Variants in PLA2G6 observed in about 807,000 individuals in gnomAD.
The protein encoded by PLA2G6 is phospholipase A2 group VI.
In PLA2G6, 62 loss-of-function variants were observed where a neutral mutation model predicts 83.8. The observed-to-expected ratio is 0.74, with a 90% CI of 0.60 to 0.91. PLA2G6 has a LOEUF of 0.91. Among genes scored for constraint, PLA2G6 ranks in the 40% least tolerant of loss-of-function variants. The pLI, the probability that PLA2G6 is intolerant of heterozygous loss-of-function variation, is 0.00. For synonymous variants in PLA2G6, 417 were observed against 449.8 expected (o/e 0.93, Z 0.92); for missense variants, 944 against 1,102.0 (o/e 0.86, Z 2.03).
chr22:38,113,726 G>T lies in PLA2G6; in HGVS notation c.2035-72C>A, dbSNP rs11570759. ...AGGGGGCACGAAGGGGAGCGTCAAG[G>T]GGAGGCCCAAGACTGGGCTCTGGGG... On this transcript the variant is annotated intron_variant, in intron 14 of 16. Transcript: ENST00000332509. 10 of 1,434,150 alleles carry T rather than the reference G, an allele frequency of 7.0e-6. No homozygotes were observed. In the Admixed American group the frequency reaches 1.7e-4, roughly 24 times the overall value. The allele number at this position is 1,434,150 out of a possible 1,614,324, so 88.8% of individuals were successfully genotyped here.
At chr22:38,118,848 G>C (rs1383191026) in intron 12 of PLA2G6, among the ~76,000 whole-genome samples, 2 of 151,460 alleles carry the variant, frequency 1.3e-5, no homozygotes, top group Non-Finnish European at 2.9e-5. Context: ...CAGCCTCCGG[G>C]GCTCAAGTGA....
chr22:38,173,630 G>A (rs952096201), intron 1 of PLA2G6, among the ~76,000 whole-genome samples: 55 of 152,318 alleles, frequency 3.6e-4, no homozygotes, highest in African/African-American at 1.3e-3. Context: ...CTGACAGAGA[G>A]TGTGCTGGTG....
intron 2 of PLA2G6, among the ~76,000 whole-genome samples, chr22:38,160,244 C>G (rs900533369): frequency 6.6e-6 from 1 of 152,064 alleles, no homozygotes; most frequent in Non-Finnish European, 1.5e-5. Context: ...TACCAAGTAA[C>G]AGAAGATATG....
At chr22:38,127,195 G>T (rs1257180747) in intron 9 of PLA2G6, 2 of 1,185,150 alleles carry the variant, frequency 1.7e-6, no homozygotes, top group Non-Finnish European at 2.1e-6. Context: ...AAGCAGAACC[G>T]AGGGCTGCGA....
chr22:38,161,092 A>G (rs905727129), intron 2 of PLA2G6, among the ~76,000 whole-genome samples: 4 of 152,244 alleles, frequency 2.6e-5, no homozygotes, highest in African/African-American at 9.6e-5. Context: ...GAATATAAGC[A>G]GTCTCTGGAG....
At chr22:38,130,005 C>T (rs965118248) in intron 7 of PLA2G6, among the ~76,000 whole-genome samples, 8 of 152,150 alleles carry the variant, frequency 5.3e-5, no homozygotes, top group Non-Finnish European at 7.3e-5. Flanking sequence ...GAGGGGTAAC[C>T]GAACACACGT....
intron 2 of PLA2G6, among the ~76,000 whole-genome samples, chr22:38,168,583 C>T (rs779025403): frequency 6.6e-6 from 1 of 152,204 alleles, no homozygotes; most frequent in Admixed American, 6.5e-5. Context: ...GGTGCAGTGG[C>T]TCACGCCTGC....
In PLA2G6 at chr22:38,140,132, A is replaced by C. The variant is rs1602161797; in HGVS notation, c.647T>G (p.Val216Gly). The change falls in exon 5 of 17, where the codon GTG becomes GGG. Residue 216 changes from valine (V) to glycine (G), a missense_variant. Transcript: ENST00000332509. ...GRNAVAGLNQ[V>G]NNQGLTPLHL... The stretch of plus-strand genomic sequence containing the variant: ...CAGCGGGGTCAGCCCTTGGTTATTC[A>C]CCTGGTTCAGGCCAGCCACTGCGTT... 2.5e-6 allele frequency: 4 copies of C among 1,613,988 alleles called. No homozygotes were observed. The highest frequency in any genetic ancestry group is 1.7e-6 in the Non-Finnish European group (2 of 1,180,016).
rs1252028585 is a variant in PLA2G6, at chr22:38,143,259, C to A, written c.455G>T (p.Gly152Val). 6.2e-7 allele frequency: 1 copy of A among 1,613,664 alleles called. No homozygotes were observed. Among genetic ancestry groups the A allele is most frequent in the Non-Finnish European group, 8.5e-7 (1 of 1,180,038 alleles). The change falls in exon 4 of 17, where the codon GGC becomes GTC. Residue 152 changes from glycine to valine, a missense_variant. Coordinates refer to ENST00000332509, the MANE Select transcript of PLA2G6 (RefSeq NM_003560.4). ...SCANCAENEEGCTPLHLACRK... is the reference protein window; with the variant it reads ...SCANCAENEEVCTPLHLACRK... The stretch of plus-strand genomic sequence containing the variant: ...GCAGGCCAGGTGCAGGGGTGTGCAG[C>A]CCTCCTCGTTCTCCGCGCAATTGGC...
chr22:38,145,689 G>C, intron 2 of PLA2G6, 36 bp from the exon 3 acceptor site: 1 of 1,452,106 alleles, frequency 6.9e-7, no homozygotes, highest in South Asian at 1.2e-5. Flanking sequence ...GACCCGAAAT[G>C]AGTAAGGCGG....
chr22:38,118,176 A>T (rs956594553), intron 12 of PLA2G6, among the ~76,000 whole-genome samples: 16 of 152,244 alleles, frequency 1.1e-4, no homozygotes, highest in African/African-American at 3.9e-4. Flanking sequence ...ACTGAGAGTC[A>T]GGCAGGCCAC....
chr22:38,170,195 CA>C (rs132990), intron 1 of PLA2G6, among the ~76,000 whole-genome samples: 2,627 of 75,524 alleles, frequency 0.035, 30 homozygotes, highest in Middle Eastern at 0.15. Flanking sequence ...GACTCTGTCT[CA>C]AAAAAAAAAA....
At chr22:38,148,333 G>A (rs774450498) in intron 2 of PLA2G6, 12 of 583,644 alleles carry the variant, frequency 2.1e-5, no homozygotes, top group East Asian at 6.0e-5. Context: ...GAATGCTGAC[G>A]GGAACGATGA....
intron 12 of PLA2G6, among the ~76,000 whole-genome samples, chr22:38,118,788 CTA>C: frequency 6.7e-6 from 1 of 148,418 alleles, no homozygotes; most frequent in Non-Finnish European, 1.5e-5. Flanking sequence ...GGGTCTCACT[CTA>C]TTGCCCAGGC....
chr22:38,129,394 T>G, intron 8 of PLA2G6, 60 bp downstream of exon 8: 1 of 1,183,036 alleles, frequency 8.5e-7, no homozygotes, highest in East Asian at 2.3e-5. Flanking sequence ...TCCCTCCTCC[T>G]CGGTCCCTGT....
chr22:38,172,417 ATAT>A (rs879373061), intron 1 of PLA2G6, among the ~76,000 whole-genome samples: 1 of 152,268 alleles, frequency 6.6e-6, no homozygotes, highest in Non-Finnish European at 1.5e-5. Context: ...AACTGAGTAA[ATAT>A]TATGCATAGA....
In PLA2G6 at chr22:38,112,399, G is replaced by A. The variant is rs1043504064; in HGVS notation, c.2277-94C>T. On this transcript the variant is annotated intron_variant, in intron 16 of 16. Transcript: ENST00000332509. ...CAGGGTGGGCTTGGGGAACAGAGCAGACCCTTGGGGAAGGGAAAGTCCACA... is the reference window on the plus strand; with the variant it reads ...CAGGGTGGGCTTGGGGAACAGAGCAAACCCTTGGGGAAGGGAAAGTCCACA... 4 of 1,526,254 alleles carry A rather than the reference G, an allele frequency of 2.6e-6. No homozygotes were observed. The African/African-American group carries it at 5.5e-5, about 21-fold the overall frequency. The allele number at this position is 1,526,254 out of a possible 1,614,324, so 94.5% of individuals were successfully genotyped here.
chr22:38,136,715 G>A (rs1178121377), intron 5 of PLA2G6: 3 of 148,070 alleles, frequency 2.0e-5, no homozygotes, highest in African/African-American at 7.5e-5. Flanking sequence ...GGATTGTATG[G>A]AATAGGAACT....
intron 7 of PLA2G6, chr22:38,130,293 CTG>C (rs1455415955): frequency 1.3e-5 from 2 of 155,578 alleles, no homozygotes; most frequent in African/African-American, 4.8e-5. Flanking sequence ...TCAGCATTAA[CTG>C]TGATTTTTTG....
Sources: gnomAD v4.1 joint callset for allele counts (sites outside exome capture counted in the v4.1 genomes callset) on GRCh38, gnomAD v4.1.1 for gene constraint, MANE v1.5 for transcripts, NCBI Gene and HGNC (gene_info 2026-07-23, HGNC 2026-07-21) for gene names.